Variants in FAM156B observed in about 807,000 individuals in gnomAD.
FAM156B encodes the protein family with sequence similarity 156 member B.
chrX:52,893,207 GC>G (rs1241418175), upstream of FAM156B, among the ~76,000 whole-genome samples: 5 of 73,799 alleles, frequency 6.8e-5, no homozygotes, highest in East Asian at 2.0e-3. Flanking sequence ...CGCCAGGGCA[GC>G]TCCTGTGGAC....
chrX:52,904,213 T>TGTATC lies in FAM156B; in HGVS notation c.-117-2881_-117-2877dup, dbSNP rs1301476229. 6.0e-3 allele frequency among the ~76,000 whole-genome samples: 689 copies of TGTATC among 114,486 alleles called. 1 individual carries two copies. Among genetic ancestry groups the TGTATC allele is most frequent in the African/African-American group, 0.013 (418 of 31,746 alleles). On this transcript the variant is annotated intron_variant, in intron 2 of 2. Coordinates refer to ENST00000416841, the MANE Select transcript of FAM156B (RefSeq NM_001321178.3). ...TGTATTGTGTTGTATTGTATTGTAT[T>TGTATC]GTATCGTATCGTATCGTATAGTATC...
upstream of FAM156B, among the ~76,000 whole-genome samples, chrX:52,893,002 CACAGCTGTGTT>C (rs1225409184): frequency 1.5e-5 from 1 of 68,963 alleles, no homozygotes; most frequent in Admixed American, 1.7e-4. Flanking sequence ...TGATCAACTC[CACAGCTGTGTT>C]GCAGCCGCTA....
intron 2 of FAM156B, among the ~76,000 whole-genome samples, chrX:52,904,303 CTATT>C (rs1381744180): frequency 5.6e-5 from 6 of 106,744 alleles, no homozygotes; most frequent in African/African-American, 2.0e-4. Context: ...CTATTCTGTT[CTATT>C]TATTTATTTA....
intron 2 of FAM156B, among the ~76,000 whole-genome samples, chrX:52,904,171 G>GTTGTA (rs1162050936): frequency 8.8e-6 from 1 of 113,671 alleles, no homozygotes; most frequent in African/African-American, 3.2e-5. Context: ...CCAAAGTTGT[G>GTTGTA]TTGTATTGTA....
chrX:52,904,433 GGGACT>G (rs1392499472), intron 2 of FAM156B, among the ~76,000 whole-genome samples: 1 of 77,275 alleles, frequency 1.3e-5, no homozygotes, highest in African/African-American at 4.9e-5. Context: ...CCAGTAGCTG[GGGACT>G]ACAGGTATGT....
At chrX:52,903,996 CT>C (rs1448874805) in intron 2 of FAM156B, among the ~76,000 whole-genome samples, 3 of 83,540 alleles carry the variant, frequency 3.6e-5, no homozygotes, top group African/African-American at 9.0e-5. Context: ...CCATTCAAGT[CT>C]TTCCCCCATT....
At chrX:52,904,223 C>CGTATCGTATA (rs1266176827) in intron 2 of FAM156B, among the ~76,000 whole-genome samples, 8 of 114,908 alleles carry the variant, frequency 7.0e-5, no homozygotes, top group African/African-American at 2.5e-4. Context: ...TGTATCGTAT[C>CGTATCGTATA]GTATCGTATA....
At chrX:52,892,975 ACAC>A (rs1317263454), upstream of FAM156B, among the ~76,000 whole-genome samples, 4 of 47,180 alleles carry the variant, frequency 8.5e-5, 1 homozygote, top group Admixed American at 2.7e-4. Context: ...GTTGATTTCC[ACAC>A]CACATTTGGA....
intron 2 of FAM156B, among the ~76,000 whole-genome samples, chrX:52,904,196 G>GTTGTA (rs1218354697): frequency 7.0e-5 from 8 of 114,205 alleles, no homozygotes; most frequent in South Asian, 3.4e-4. Flanking sequence ...GTTGTATTGT[G>GTTGTA]TTGTATTGTA....
At chrX:52,904,186 GTTGTA>G (rs1469094765) in intron 2 of FAM156B, among the ~76,000 whole-genome samples, 1 of 113,991 alleles carries the variant, frequency 8.8e-6, no homozygotes, top group Non-Finnish European at 1.9e-5. Flanking sequence ...ATTGTATTGT[GTTGTA>G]TTGTGTTGTA....
At chrX:52,904,171 GTTGTATTGTA>G (rs1162050936) in intron 2 of FAM156B, among the ~76,000 whole-genome samples, 1 of 113,671 alleles carries the variant, frequency 8.8e-6, no homozygotes, top group Admixed American at 9.2e-5. Flanking sequence ...CCAAAGTTGT[GTTGTATTGTA>G]TTGTGTTGTA....
At chrX:52,904,213 TGTATC>T (rs1301476229) in intron 2 of FAM156B, among the ~76,000 whole-genome samples, 6 of 114,943 alleles carry the variant, frequency 5.2e-5, no homozygotes, top group South Asian at 6.8e-4. Flanking sequence ...TGTATTGTAT[TGTATC>T]GTATCGTATC....
intron 2 of FAM156B, among the ~76,000 whole-genome samples, chrX:52,904,189 G>A (rs1247925339): frequency 1.7e-5 from 2 of 114,471 alleles, no homozygotes; most frequent in African/African-American, 6.3e-5. Flanking sequence ...GTATTGTGTT[G>A]TATTGTGTTG....
At chrX:52,904,322 CAG>C (rs1332782881) in intron 2 of FAM156B, among the ~76,000 whole-genome samples, 1 of 108,101 alleles carries the variant, frequency 9.3e-6, no homozygotes, top group South Asian at 4.0e-4. Context: ...TATTTAGAGA[CAG>C]GGGCTCGCTA....
At chrX:52,903,871 C>CA (rs1324370562) in intron 2 of FAM156B, among the ~76,000 whole-genome samples, 1 of 32,890 alleles carries the variant, frequency 3.0e-5, no homozygotes, top group Non-Finnish European at 5.8e-5. Flanking sequence ...CTCCCAGCTG[C>CA]AAAGTGTGAG....
chrX:52,904,218 C>T (rs1361541543), intron 2 of FAM156B, among the ~76,000 whole-genome samples: 1 of 114,871 alleles, frequency 8.7e-6, no homozygotes, highest in Non-Finnish European at 1.9e-5. Context: ...TGTATTGTAT[C>T]GTATCGTATC....
chrX:52,904,176 A>ATTGTATTGTG (rs1381345165), intron 2 of FAM156B, among the ~76,000 whole-genome samples: 36 of 113,898 alleles, frequency 3.2e-4, no homozygotes, highest in Admixed American at 1.3e-3. Context: ...GTTGTGTTGT[A>ATTGTATTGTG]TTGTATTGTG....
chrX:52,904,196 GTTGTATTGTA>G (rs1218354697), intron 2 of FAM156B, among the ~76,000 whole-genome samples: 3 of 114,212 alleles, frequency 2.6e-5, no homozygotes, highest in African/African-American at 9.6e-5. Flanking sequence ...GTTGTATTGT[GTTGTATTGTA>G]TTGTATTGTA....
At chrX:52,893,404 CGT>C (rs1928239693), upstream of FAM156B, among the ~76,000 whole-genome samples, 1 of 21,334 alleles carries the variant, frequency 4.7e-5, no homozygotes. Context: ...ACAGAACCCG[CGT>C]GTGAGTCCCA....
Sources: allele counts gnomAD v4.1 joint callset (sites outside exome capture counted in the v4.1 genomes callset), GRCh38; gene constraint gnomAD v4.1.1; transcripts MANE v1.5; gene names NCBI Gene and HGNC (gene_info 2026-07-23, HGNC 2026-07-21).